The following LYPD6B variants were observed in gnomAD, a reference collection of about 807,000 sequenced individuals.
LYPD6B encodes the protein LY6/PLAUR domain containing 6B, also known as ly6/PLAUR domain-containing protein 6B.
In LYPD6B, 17 loss-of-function variants were observed where a neutral mutation model predicts 22.8. The observed-to-expected ratio is 0.75, with a 90% CI of 0.51 to 1.12. LYPD6B has a LOEUF of 1.12. LYPD6B is among the 50% of genes most tolerant of loss of function. LYPD6B has a pLI of 0.00. For missense variants in LYPD6B, 221 were observed against 258.3 expected (o/e 0.86, Z 0.99); for synonymous variants, 106 against 91.6 (o/e 1.16, Z -0.90).
intron 1 of LYPD6B, among the ~76,000 whole-genome samples, chr2:149,055,715 G>C (rs1027308932): frequency 6.6e-6 from 1 of 152,050 alleles, no homozygotes; most frequent in African/African-American, 2.4e-5. Flanking sequence ...CTTGTGTTTC[G>C]ATCTTGTATC....
intron 1 of LYPD6B, among the ~76,000 whole-genome samples, chr2:149,051,411 C>T (rs957371589): frequency 3.9e-5 from 6 of 152,060 alleles, no homozygotes; most frequent in African/African-American, 7.2e-5. Flanking sequence ...ATGATCCACC[C>T]GCCTCGGCCT....
intron 3 of LYPD6B, among the ~76,000 whole-genome samples, chr2:149,185,136 A>C (rs1692004503): frequency 6.6e-6 from 1 of 152,182 alleles, no homozygotes; most frequent in Non-Finnish European, 1.5e-5. Flanking sequence ...CTTCCTGTTG[A>C]AGAATCTGGC....
intron 1 of LYPD6B, among the ~76,000 whole-genome samples, chr2:149,055,263 G>T (rs1030517193): frequency 7.2e-5 from 11 of 152,294 alleles, no homozygotes; most frequent in Middle Eastern, 3.4e-3. Flanking sequence ...ATCTGTCCTT[G>T]TTGGCAGTAC....
rs772907584 is a variant in LYPD6B, at chr2:149,213,131, C to T, written c.459+9C>T. ...GAGATTCTGAACATACGGTAAGGAT[C>T]GTGTGTGTGTGTTATTGTCTAAACT... On this transcript the variant is annotated intron_variant, in intron 6 of 6. Transcript: ENST00000409642. The T allele has an allele frequency of 5.3e-4, 849 of 1,604,660 alleles. 1 individual carries two copies. The highest frequency in any genetic ancestry group is 9.9e-4 in the Middle Eastern group (6 of 6,032).
At chr2:149,039,736 C>T (rs1402754179) in intron 1 of LYPD6B, among the ~76,000 whole-genome samples, 3 of 152,146 alleles carry the variant, frequency 2.0e-5, no homozygotes, top group Non-Finnish European at 4.4e-5. Context: ...CTTTCCCACC[C>T]TGACTTGTTC....
At chr2:149,185,311 C>A (rs1692020196) in intron 3 of LYPD6B, among the ~76,000 whole-genome samples, 1 of 152,162 alleles carries the variant, frequency 6.6e-6, no homozygotes, top group South Asian at 2.1e-4. Flanking sequence ...TTGCCATCTG[C>A]TGACACACCA....
intron 3 of LYPD6B, among the ~76,000 whole-genome samples, chr2:149,186,012 C>T (rs1440628079): frequency 6.6e-6 from 1 of 152,212 alleles, no homozygotes; most frequent in Non-Finnish European, 1.5e-5. Context: ...CTTCCCTATT[C>T]CTTGAGACAT....
chr2:149,177,427 C>T (rs1691393400), intron 3 of LYPD6B, among the ~76,000 whole-genome samples: 1 of 152,218 alleles, frequency 6.6e-6, no homozygotes, highest in Admixed American at 6.5e-5. Flanking sequence ...CTTAGCTCTG[C>T]TCCCATTTGG....
At chr2:149,205,550 A>C in intron 4 of LYPD6B, 146 bp downstream of exon 4, 1 of 883,822 alleles carries the variant, frequency 1.1e-6, no homozygotes, top group Non-Finnish European at 1.7e-6. Context: ...CATTACTTCT[A>C]TGGGTAAGCA....
At chr2:149,202,900 A>G (rs944153247) in intron 3 of LYPD6B, among the ~76,000 whole-genome samples, 1 of 152,234 alleles carries the variant, frequency 6.6e-6, no homozygotes, top group African/African-American at 2.4e-5. Context: ...TTTAATTCCT[A>G]CAACCCTATG....
chr2:149,137,482 A>G (rs1250191781), intron 2 of LYPD6B, among the ~76,000 whole-genome samples: 1 of 152,210 alleles, frequency 6.6e-6, no homozygotes, highest in East Asian at 1.9e-4. Flanking sequence ...TTCAAAATTT[A>G]CCAATTAAAA....
At chr2:149,192,274 C>G (rs1295151515) in intron 3 of LYPD6B, among the ~76,000 whole-genome samples, 1 of 152,136 alleles carries the variant, frequency 6.6e-6, no homozygotes, top group Non-Finnish European at 1.5e-5. Context: ...ATTAAATTTA[C>G]CTAACGACAT....
At chr2:149,162,058 G>A (rs182604570) in intron 3 of LYPD6B, among the ~76,000 whole-genome samples, 155 of 152,198 alleles carry the variant, frequency 1.0e-3, no homozygotes, top group African/African-American at 3.5e-3. Context: ...GAGGAATGAC[G>A]GTCTAGTCAT....
intron 1 of LYPD6B, among the ~76,000 whole-genome samples, chr2:149,116,575 C>T (rs1451241903): frequency 1.3e-5 from 2 of 152,166 alleles, no homozygotes; most frequent in African/African-American, 4.8e-5. Context: ...CACTTTGACC[C>T]TTTTCTCATC....
At chr2:149,122,144 A>G (rs1687397153) in intron 1 of LYPD6B, among the ~76,000 whole-genome samples, 1 of 152,156 alleles carries the variant, frequency 6.6e-6, no homozygotes, top group Non-Finnish European at 1.5e-5. Context: ...AAGGCCTTAA[A>G]TATTGCATCC....
intron 1 of LYPD6B, among the ~76,000 whole-genome samples, chr2:149,070,710 AT>A (rs71406036): frequency 0.18 from 27,434 of 152,154 alleles, 2,843 homozygotes; most frequent in East Asian, 0.34. Context: ...ACAGCCTGTG[AT>A]TTTTGAGGTC....
chr2:149,209,518 A>G (rs895682949), intron 5 of LYPD6B, among the ~76,000 whole-genome samples: 2 of 151,594 alleles, frequency 1.3e-5, no homozygotes, highest in African/African-American at 2.4e-5. Context: ...AGAGGCCAAG[A>G]AAAAAAAACT....
chr2:149,132,557 T>C (rs1401884196), intron 2 of LYPD6B, among the ~76,000 whole-genome samples: 1 of 152,038 alleles, frequency 6.6e-6, no homozygotes, highest in Non-Finnish European at 1.5e-5. Flanking sequence ...AATGAACTCA[T>C]TGGCAGCTAC....
intron 6 of LYPD6B, among the ~76,000 whole-genome samples, chr2:149,213,944 C>T (rs1205631842): frequency 1.3e-5 from 2 of 152,186 alleles, no homozygotes; most frequent in African/African-American, 4.8e-5. Flanking sequence ...CTGGAAGCCT[C>T]TATGAATGGC....
Sources: gnomAD v4.1 joint callset for allele counts (sites outside exome capture counted in the v4.1 genomes callset) on GRCh38, gnomAD v4.1.1 for gene constraint, MANE v1.5 for transcripts, NCBI Gene and HGNC (gene_info 2026-07-23, HGNC 2026-07-21) for gene names.